NDST4: variants seen among roughly 807,000 people sequenced by gnomAD.
NDST4 encodes the protein N-heparan sulfate sulfotransferase 4.
Under a neutral mutation model 100.8 loss-of-function variants are expected in NDST4, and 63 were observed. The ratio of observed to expected loss-of-function variants is 0.62; its 90% CI spans 0.51 to 0.77. The LOEUF (loss-of-function observed/expected upper bound fraction) is 0.77. Ranked by LOEUF, NDST4 falls within the 30% of genes least tolerant of loss-of-function variation. The pLI is 0.00. For synonymous variants in NDST4, 377 were observed against 361.8 expected (o/e 1.04, Z -0.48); for missense variants, 943 against 1,018.4 (o/e 0.93, Z 1.01).
intron 2 of NDST4, among the ~76,000 whole-genome samples, chr4:115,074,918 T>C (rs1244281684): frequency 6.6e-6 from 1 of 152,146 alleles, no homozygotes; most frequent in Non-Finnish European, 1.5e-5. Flanking sequence ...GCACACAAAA[T>C]AAATTTAGTT....
chr4:114,977,110 C>T, intron 3 of NDST4, 77 bp downstream of exon 3: 2 of 904,940 alleles, frequency 2.2e-6, no homozygotes, highest in South Asian at 1.8e-5. Context: ...GAGAATCTAT[C>T]TCTACCACTT....
At chr4:114,843,091 A>G (rs1455143002) in intron 10 of NDST4, among the ~76,000 whole-genome samples, 1 of 152,236 alleles carries the variant, frequency 6.6e-6, no homozygotes, top group African/African-American at 2.4e-5. Flanking sequence ...GACTCATCAA[A>G]TTATCATATG....
chr4:114,933,467 C>T (rs1156369136), intron 6 of NDST4, among the ~76,000 whole-genome samples: 1 of 100,698 alleles, frequency 9.9e-6, no homozygotes, highest in Non-Finnish European at 1.9e-5. Context: ...GTGTAAAAAC[C>T]CAAAAGCCCA....
intron 12 of NDST4, among the ~76,000 whole-genome samples, chr4:114,833,008 T>A (rs1483082737): frequency 6.6e-6 from 1 of 152,116 alleles, no homozygotes; most frequent in Non-Finnish European, 1.5e-5. Context: ...GCTCTAAACA[T>A]CATGAGCGAA....
chr4:114,861,669 T>C (rs1294703940), intron 7 of NDST4, among the ~76,000 whole-genome samples: 1 of 152,106 alleles, frequency 6.6e-6, no homozygotes, highest in East Asian at 1.9e-4. Flanking sequence ...GAGAAATAGC[T>C]TGGAGTATCT....
intron 1 of NDST4, among the ~76,000 whole-genome samples, chr4:115,106,100 C>T (rs1389805739): frequency 6.6e-5 from 10 of 152,026 alleles, no homozygotes; most frequent in Admixed American, 5.9e-4. Flanking sequence ...GTAATAAGTG[C>T]CCTGATGGAA....
At chr4:115,082,006 G>A (rs142999034) in intron 1 of NDST4, among the ~76,000 whole-genome samples, 13 of 151,414 alleles carry the variant, frequency 8.6e-5, no homozygotes, top group African/African-American at 3.2e-4. Context: ...AATTTGGAAG[G>A]AGAGATCTAC....
At chr4:114,942,762 A>G (rs1283120551) in intron 4 of NDST4, among the ~76,000 whole-genome samples, 2 of 152,002 alleles carry the variant, frequency 1.3e-5, no homozygotes, top group Non-Finnish European at 2.9e-5. Flanking sequence ...AATGGAACTT[A>G]GTATTGATGC....
At chr4:114,882,918 G>A (rs1724400579) in intron 6 of NDST4, among the ~76,000 whole-genome samples, 1 of 151,900 alleles carries the variant, frequency 6.6e-6, no homozygotes, top group African/African-American at 2.4e-5. Context: ...ATGAAACCAT[G>A]CAAGCAAGAA....
intron 2 of NDST4, among the ~76,000 whole-genome samples, chr4:115,034,203 T>C (rs950204155): frequency 6.6e-6 from 1 of 152,090 alleles, no homozygotes; most frequent in African/African-American, 2.4e-5. Context: ...AACATGTTAA[T>C]TACATTCTCT....
intron 4 of NDST4, among the ~76,000 whole-genome samples, chr4:114,951,142 A>C (rs1355185818): frequency 6.6e-6 from 1 of 152,144 alleles, no homozygotes; most frequent in Non-Finnish European, 1.5e-5. Flanking sequence ...TGAAAGTGTA[A>C]ATTTTTGGAC....
intron 1 of NDST4, among the ~76,000 whole-genome samples, chr4:115,098,604 G>C (rs72900640): frequency 0.03 from 4,533 of 152,278 alleles, 230 homozygotes; most frequent in African/African-American, 0.1. Context: ...TAAAGCTATA[G>C]TAATCAAGAC....
chr4:115,076,514 T>C lies in NDST4; in HGVS notation c.523A>G (p.Thr175Ala), dbSNP rs1234319822. The C allele has an allele frequency of 6.2e-7, 1 of 1,613,904 alleles. No homozygotes were observed. The highest frequency in any genetic ancestry group is 2.2e-5 in the East Asian group (1 of 44,828). Reference sequence around the variant, plus strand: ...TTTAACGGAAAGCCTTTTAATTGTGTACTTGGTAAGCTGTTCTCATTGGCT... The same window carrying C: ...TTTAACGGAAAGCCTTTTAATTGTGCACTTGGTAAGCTGTTCTCATTGGCT... ...HKANENSLPS[T>A]QLKGFPLNLF... The change falls in exon 2 of 14, where the codon ACA becomes GCA. Residue 175 changes from threonine (T) to alanine (A), a missense_variant. Physicochemically the swap from Thr to Ala is moderately conservative, Grantham distance 58. Coordinates refer to ENST00000264363, the MANE Select transcript of NDST4 (RefSeq NM_022569.3).
At chr4:115,059,070 T>C (rs1490322932) in intron 2 of NDST4, among the ~76,000 whole-genome samples, 1 of 151,840 alleles carries the variant, frequency 6.6e-6, no homozygotes, top group Non-Finnish European at 1.5e-5. Context: ...CACATAGCAC[T>C]GAACAGAAAA....
chr4:115,026,338 C>A (rs1727983672), intron 2 of NDST4, among the ~76,000 whole-genome samples: 1 of 151,872 alleles, frequency 6.6e-6, no homozygotes, highest in South Asian at 2.1e-4. Flanking sequence ...ACTATGATTT[C>A]TGCATGTTTT....
chr4:115,105,668 C>T (rs781494736), intron 1 of NDST4, among the ~76,000 whole-genome samples: 7 of 152,108 alleles, frequency 4.6e-5, no homozygotes, highest in Non-Finnish European at 7.4e-5. Context: ...GAAATTCCTT[C>T]CACAAAAGTC....
At chr4:114,954,783 T>C (rs1193654034) in intron 4 of NDST4, among the ~76,000 whole-genome samples, 1 of 152,192 alleles carries the variant, frequency 6.6e-6, no homozygotes, top group African/African-American at 2.4e-5. Flanking sequence ...TAGGAGGTGA[T>C]TGGATAATGA....
At chr4:114,898,440 T>C (rs1380901395) in intron 6 of NDST4, among the ~76,000 whole-genome samples, 1 of 152,242 alleles carries the variant, frequency 6.6e-6, no homozygotes, top group Non-Finnish European at 1.5e-5. Context: ...TAGCACACTG[T>C]ATTTGATACC....
At chr4:114,852,037 G>A (rs1723688773) in intron 8 of NDST4, among the ~76,000 whole-genome samples, 1 of 152,112 alleles carries the variant, frequency 6.6e-6, no homozygotes, top group South Asian at 2.1e-4. Context: ...ATCAGGACAT[G>A]AGCAAAGTGT....
Sources: allele counts gnomAD v4.1 joint callset (sites outside exome capture counted in the v4.1 genomes callset), GRCh38; gene constraint gnomAD v4.1.1; transcripts MANE v1.5; gene names NCBI Gene and HGNC (gene_info 2026-07-23, HGNC 2026-07-21).